Variants in PBX1 observed in about 807,000 individuals in gnomAD.
PBX1 encodes the protein pre-B-cell leukemia transcription factor 1.
PBX1 carries 6 observed loss-of-function variants against 53.4 expected under a neutral mutation model. The ratio of observed to expected loss-of-function variants is 0.11; its 90% CI spans 0.06 to 0.22. PBX1 has a LOEUF of 0.22. PBX1 is among the 10% of genes least tolerant of loss of function. PBX1 has a pLI of 1.00. For missense variants in PBX1, 251 were observed against 551.4 expected, an observed-to-expected ratio of 0.46 and a Z score of 5.46; for synonymous variants, 204 against 212.3, an observed-to-expected ratio of 0.96 and a Z score of 0.34.
intron 2 of PBX1, among the ~76,000 whole-genome samples, chr1:164,861,907 G>C (rs577433221): frequency 5.0e-4 from 76 of 152,328 alleles, no homozygotes; most frequent in African/African-American, 1.7e-3. Flanking sequence ...CAGAGAAAGT[G>C]AGGGGAAGAC....
chr1:164,828,934 T>A (rs1049860916), intron 8 of PBX1: 3 of 152,184 alleles, frequency 2.0e-5, no homozygotes, highest in African/African-American at 7.2e-5. Context: ...TGGTAATTTT[T>A]AAAAATCCCA....
rs1004411019 is a variant in PBX1, at chr1:164,849,960, T to A, written c.*3284T>A. 12 of 228,256 alleles carry A rather than the reference T, an allele frequency of 5.3e-5. No homozygotes were observed. The highest frequency in any genetic ancestry group is 7.8e-5 in the Non-Finnish European group (9 of 115,032). 14.1% of individuals were successfully genotyped at this position (228,256 alleles called of 1,614,324 possible). On this transcript the variant is annotated 3_prime_UTR_variant, in exon 9 of 9. Transcript: ENST00000420696. Reference sequence around the variant, plus strand: ...TTTCAGCTTTATTAACATTTTCCATTGTTTCTTGCGACTTGTGTCTCGTTC... The same window carrying A: ...TTTCAGCTTTATTAACATTTTCCATAGTTTCTTGCGACTTGTGTCTCGTTC...
chr1:164,845,523 G>A (rs751680903), intron 8 of PBX1, among the ~76,000 whole-genome samples: 2 of 152,156 alleles, frequency 1.3e-5, no homozygotes, highest in African/African-American at 2.4e-5. Flanking sequence ...AATCGAAGGG[G>A]GGAAAGGCAT....
chr1:164,661,424 GTT>G (rs60440122), intron 2 of PBX1, among the ~76,000 whole-genome samples: 9,665 of 127,776 alleles, frequency 0.076, 334 homozygotes, highest in South Asian at 0.14. Context: ...CTGTAAGCCA[GTT>G]TTTTTTTTTT....
At chr1:164,828,803 T>C (rs1290404906) in intron 8 of PBX1, 2 of 152,220 alleles carry the variant, frequency 1.3e-5, no homozygotes, top group East Asian at 3.9e-4. Flanking sequence ...GACAGTCTTC[T>C]TCTTGCTGAG....
chr1:164,567,379 G>A (rs776239825), intron 2 of PBX1, among the ~76,000 whole-genome samples: 34 of 152,130 alleles, frequency 2.2e-4, no homozygotes, highest in Non-Finnish European at 3.8e-4. Flanking sequence ...GAAGGTCATC[G>A]ATAGCCAGCA....
At chr1:164,615,894 C>T (rs1221981423) in intron 2 of PBX1, among the ~76,000 whole-genome samples, 2 of 152,098 alleles carry the variant, frequency 1.3e-5, no homozygotes, top group Admixed American at 1.3e-4. Flanking sequence ...TTTGGCCTCC[C>T]TGGGTTGGAT....
chr1:164,578,105 C>A (rs1271534402), intron 2 of PBX1, among the ~76,000 whole-genome samples: 1 of 152,082 alleles, frequency 6.6e-6, no homozygotes, highest in East Asian at 1.9e-4. Context: ...TTGGTGACTT[C>A]CTAGGGGAGA....
chr1:164,872,395 C>A (rs567108780), intron 2 of PBX1, among the ~76,000 whole-genome samples: 75 of 152,334 alleles, frequency 4.9e-4, no homozygotes, highest in African/African-American at 1.8e-3. Context: ...AATTTTCCAT[C>A]ACAAGGGATC....
chr1:164,815,109 C>T (rs973459134), intron 6 of PBX1: 3 of 152,072 alleles, frequency 2.0e-5, no homozygotes, highest in Non-Finnish European at 4.4e-5. Context: ...AACCTGGGGT[C>T]TATAATTCTT....
chr1:164,609,076 C>G (rs1029365869), intron 2 of PBX1, among the ~76,000 whole-genome samples: 1 of 152,062 alleles, frequency 6.6e-6, no homozygotes, highest in East Asian at 1.9e-4. Context: ...GACAATAAAT[C>G]CCCCTTTACT....
chr1:164,884,502 T>TA (rs1347027597), intron 2 of PBX1: 1 of 489,138 alleles, frequency 2.0e-6, no homozygotes, highest in African/African-American at 1.9e-5. Flanking sequence ...TAGGGGGTGT[T>TA]AAAGTTGTGA....
At chr1:164,738,348 A>T (rs553719066) in intron 2 of PBX1, among the ~76,000 whole-genome samples, 3 of 152,280 alleles carry the variant, frequency 2.0e-5, no homozygotes, top group Non-Finnish European at 4.4e-5. Flanking sequence ...CAGTGATACA[A>T]TCCTCTAGCT....
intron 3 of PBX1, among the ~76,000 whole-genome samples, chr1:164,797,080 T>C (rs1558013505): frequency 6.6e-6 from 1 of 152,210 alleles, no homozygotes; most frequent in East Asian, 1.9e-4. Context: ...AGCAGCTGTT[T>C]AGCAGCTGCT....
At chr1:164,632,064 T>C (rs1658445467) in intron 2 of PBX1, among the ~76,000 whole-genome samples, 1 of 152,212 alleles carries the variant, frequency 6.6e-6, no homozygotes, top group Non-Finnish European at 1.5e-5. Context: ...AGCATCATTT[T>C]ATCGGAGTCC....
At chr1:164,662,218 C>T (rs1285497380) in intron 2 of PBX1, among the ~76,000 whole-genome samples, 2 of 151,952 alleles carry the variant, frequency 1.3e-5, no homozygotes, top group African/African-American at 4.8e-5. Flanking sequence ...CCCAGTTACT[C>T]GGGAGGCTGA....
At chr1:164,561,193 T>C (rs1653014643) in intron 1 of PBX1, among the ~76,000 whole-genome samples, 1 of 152,214 alleles carries the variant, frequency 6.6e-6, no homozygotes, top group Non-Finnish European at 1.5e-5. Context: ...TATACGCAAC[T>C]CCTATACTTC....
chr1:164,870,329 CTT>C (rs1156508342), intron 2 of PBX1, among the ~76,000 whole-genome samples: 13 of 103,334 alleles, frequency 1.3e-4, no homozygotes, highest in African/African-American at 4.9e-4. Context: ...TTCTTTCTTT[CTT>C]TCTTTCTTTC....
chr1:164,821,011 G>C (rs1670127441), intron 7 of PBX1, among the ~76,000 whole-genome samples: 1 of 152,180 alleles, frequency 6.6e-6, no homozygotes, highest in Non-Finnish European at 1.5e-5. Context: ...AGTTTGAAGT[G>C]ATATGGTCAG....
Sources: allele counts gnomAD v4.1 joint callset (sites outside exome capture counted in the v4.1 genomes callset), GRCh38; gene constraint gnomAD v4.1.1; transcripts MANE v1.5; gene names NCBI Gene and HGNC (gene_info 2026-07-23, HGNC 2026-07-21).